The following NALF1 variants were observed in gnomAD, a reference collection of about 807,000 sequenced individuals.
The protein encoded by NALF1 is NALCN channel auxiliary factor 1, also known as family with sequence similarity 155 member A.
Under a neutral mutation model 48.4 loss-of-function variants are expected in NALF1, and 3 were observed. That is an observed-to-expected ratio of 0.06 (90% CI 0.03 to 0.16). The LOEUF (loss-of-function observed/expected upper bound fraction) is 0.16, where lower values mean the gene tolerates loss of function less well. NALF1 is among the 10% of genes least tolerant of loss of function. The pLI is 1.00. For missense variants in NALF1, 526 were observed against 571.5 expected (o/e 0.92, Z 0.81); for synonymous variants, 262 against 245.7 (o/e 1.07, Z -0.62).
intron 1 of NALF1, among the ~76,000 whole-genome samples, chr13:107,832,163 C>G (rs1356262014): frequency 6.6e-6 from 1 of 151,916 alleles, no homozygotes; most frequent in Admixed American, 6.6e-5. Context: ...AAATATTAAA[C>G]TAAGATTTTA....
intron 1 of NALF1, among the ~76,000 whole-genome samples, chr13:107,703,307 A>T (rs975655314): frequency 6.6e-6 from 1 of 151,760 alleles, no homozygotes; most frequent in African/African-American, 2.4e-5. Context: ...TTCTTCTTTG[A>T]ACAAATTTTG....
At chr13:107,331,450 C>T (rs1051815059) in intron 1 of NALF1, among the ~76,000 whole-genome samples, 3 of 152,134 alleles carry the variant, frequency 2.0e-5, no homozygotes, top group Admixed American at 1.3e-4. Context: ...CCAGTCTCAC[C>T]GCTGTGTTTC....
intron 1 of NALF1, among the ~76,000 whole-genome samples, chr13:107,239,096 GTGAT>G (rs897463131): frequency 6.6e-6 from 1 of 152,134 alleles, no homozygotes; most frequent in African/African-American, 2.4e-5. Flanking sequence ...ACAGGACAAA[GTGAT>G]TGATTGAATG....
At chr13:107,815,367 T>A (rs993298933) in intron 1 of NALF1, among the ~76,000 whole-genome samples, 1 of 152,102 alleles carries the variant, frequency 6.6e-6, no homozygotes, top group Non-Finnish European at 1.5e-5. Context: ...TAGAAACTTT[T>A]TTCAAATAAG....
intron 1 of NALF1, among the ~76,000 whole-genome samples, chr13:107,407,903 G>A (rs1179983297): frequency 6.6e-6 from 1 of 152,056 alleles, no homozygotes; most frequent in Admixed American, 6.6e-5. Context: ...ATACTCAATG[G>A]AGTACTATTC....
At chr13:107,402,761 A>G (rs1021692497) in intron 1 of NALF1, among the ~76,000 whole-genome samples, 1 of 152,130 alleles carries the variant, frequency 6.6e-6, no homozygotes, top group Non-Finnish European at 1.5e-5. Context: ...CCTTGCCTAG[A>G]AACGGGATTA....
intron 1 of NALF1, among the ~76,000 whole-genome samples, chr13:107,400,228 T>C (rs576969556): frequency 1.3e-5 from 2 of 152,258 alleles, no homozygotes; most frequent in South Asian, 4.1e-4. Context: ...TATGCACATA[T>C]AGGCATGGAT....
chr13:107,299,943 T>G (rs1269992143), intron 1 of NALF1, among the ~76,000 whole-genome samples: 1 of 152,186 alleles, frequency 6.6e-6, no homozygotes, highest in Non-Finnish European at 1.5e-5. Context: ...TGCCCCGACC[T>G]GAGCATCAGT....
intron 1 of NALF1, among the ~76,000 whole-genome samples, chr13:107,620,775 A>T (rs1268864849): frequency 1.3e-5 from 2 of 152,144 alleles, no homozygotes; most frequent in Non-Finnish European, 2.9e-5. Context: ...TTCCATTCCC[A>T]CTGGACTATG....
At chr13:107,189,307 T>G (rs976878913) in intron 2 of NALF1, among the ~76,000 whole-genome samples, 9 of 152,236 alleles carry the variant, frequency 5.9e-5, no homozygotes, top group Non-Finnish European at 1.0e-4. Context: ...TTCACATTGT[T>G]ATTTTCCCCA....
chr13:107,798,125 T>C (rs576403215), intron 1 of NALF1, among the ~76,000 whole-genome samples: 1 of 152,262 alleles, frequency 6.6e-6, no homozygotes, highest in African/African-American at 2.4e-5. Flanking sequence ...TGATTTAGGC[T>C]TTCTGGTTTC....
intron 1 of NALF1, among the ~76,000 whole-genome samples, chr13:107,233,865 A>G (rs954095509): frequency 2.0e-5 from 3 of 152,234 alleles, no homozygotes; most frequent in African/African-American, 7.2e-5. Context: ...CACTGATCAA[A>G]TAATAAAGTC....
At chr13:107,345,207 T>C (rs1184744890) in intron 1 of NALF1, among the ~76,000 whole-genome samples, 1 of 152,076 alleles carries the variant, frequency 6.6e-6, no homozygotes, top group African/African-American at 2.4e-5. Context: ...ATTGGAAGAC[T>C]TATATATTAA....
At chr13:107,560,545 AT>A (rs1242256621) in intron 1 of NALF1, among the ~76,000 whole-genome samples, 15 of 152,148 alleles carry the variant, frequency 9.9e-5, no homozygotes. Context: ...TCTGAACTAT[AT>A]TTTTAATATA....
At chr13:107,819,166 C>T (rs1372772465) in intron 1 of NALF1, among the ~76,000 whole-genome samples, 3 of 145,860 alleles carry the variant, frequency 2.1e-5, no homozygotes, top group Admixed American at 1.4e-4. Flanking sequence ...AGATAGTAGG[C>T]TCTGAATAAA....
At chr13:107,646,649 T>C (rs3905071) in intron 1 of NALF1, among the ~76,000 whole-genome samples, 7,056 of 152,196 alleles carry the variant, frequency 0.046, 576 homozygotes, top group African/African-American at 0.16. Context: ...AATAATGTGT[T>C]TGATTTCTAA....
chr13:107,842,995 G>C (rs538597357), intron 1 of NALF1, among the ~76,000 whole-genome samples: 66 of 152,202 alleles, frequency 4.3e-4, no homozygotes, highest in African/African-American at 1.6e-3. Context: ...AAGCACTCAG[G>C]CTCCATGGGT....
At chr13:107,412,911 T>G (rs1884017079) in intron 1 of NALF1, among the ~76,000 whole-genome samples, 1 of 152,154 alleles carries the variant, frequency 6.6e-6, no homozygotes, top group African/African-American at 2.4e-5. Context: ...TAAATATGAT[T>G]TTGTGGAGGT....
chr13:107,593,364 T>G (rs1257040225), intron 1 of NALF1, among the ~76,000 whole-genome samples: 1 of 151,966 alleles, frequency 6.6e-6, no homozygotes, highest in Non-Finnish European at 1.5e-5. Context: ...TTATGGCTAC[T>G]TTTTAACCCT....
Sources: allele counts gnomAD v4.1 joint callset (sites outside exome capture counted in the v4.1 genomes callset), GRCh38; gene constraint gnomAD v4.1.1; transcripts MANE v1.5; gene names NCBI Gene and HGNC (gene_info 2026-07-23, HGNC 2026-07-21).